The following CENPA variants were observed in gnomAD, a reference collection of about 807,000 sequenced individuals.
The protein encoded by CENPA is centromere protein A, also known as histone H3-like centromeric protein A.
A neutral mutation model predicts 17.2 loss-of-function variants in CENPA; 7 were observed. The observed-to-expected ratio is 0.41, with a 90% confidence interval of 0.23 to 0.76. CENPA has a LOEUF of 0.76. Ranked by LOEUF, CENPA falls within the 30% of genes least tolerant of loss-of-function variation. The pLI, the probability that CENPA is intolerant of heterozygous loss-of-function variation, is 0.34. For synonymous variants in CENPA, 82 were observed against 77.4 expected (o/e 1.06, Z -0.31); for missense variants, 149 against 193.1 (o/e 0.77, Z 1.35).
intron 1 of CENPA, among the ~76,000 whole-genome samples, chr2:26,787,524 G>T (rs1364552037): frequency 6.7e-6 from 1 of 150,116 alleles, no homozygotes; most frequent in Non-Finnish European, 1.5e-5. Flanking sequence ...CGGCTTTTTG[G>T]TTTTTTGTTG....
rs1050649683 is a variant in CENPA at position 26,793,096 on chromosome 2, A to G, written c.289-49A>G. On this transcript the variant is annotated intron_variant, in intron 3 of 4. Coordinates refer to ENST00000335756, the MANE Select transcript of CENPA (RefSeq NM_001809.4). ...GTTTAGCAGGTTTCCAAAAAAAAGC[A>G]GCCCGTGGCCCTTCATCTGTGTCCG... 6 of 1,602,486 alleles carry G rather than the reference A, an allele frequency of 3.7e-6. No individual in the cohort carries two copies. In the East Asian group the frequency reaches 8.9e-5, roughly 24 times the overall value.
intron 1 of CENPA, among the ~76,000 whole-genome samples, chr2:26,790,745 A>T (rs1664600241): frequency 6.6e-6 from 1 of 152,224 alleles, no homozygotes; most frequent in Admixed American, 6.5e-5. Context: ...AAATGTTATC[A>T]GTCTTCTGGA....
chr2:26,786,306 C>A lies in CENPA; in HGVS notation c.100+10C>A. 1 of 1,316,040 alleles carries A rather than the reference C, an allele frequency of 7.6e-7. No homozygotes were observed. Among genetic ancestry groups the A allele is most frequent in the South Asian group, 2.0e-5 (1 of 49,958 alleles). The allele number at this position is 1,316,040 out of a possible 1,614,324, so 81.5% of individuals were successfully genotyped here. The stretch of plus-strand genomic sequence containing the variant: ...CGGGGCCCCTCCTTAGGTAACCGGC[C>A]GCGGCCCCATCTCGAAGAGGAGAAA... On this transcript the variant is annotated intron_variant, in intron 1 of 4. Transcript: ENST00000335756.
rs766046974 is a variant in CENPA, at chr2:26,792,271, A to G, written c.210+31A>G. 24 of 1,544,212 alleles carry G rather than the reference A, an allele frequency of 1.6e-5. No homozygotes were observed. In the East Asian group the frequency reaches 5.0e-4, roughly 32 times the overall value. ...CTCCGGGAGCTTCCCACCAACCCCT[A>G]TGCCACCCTCCTTTTTTTAAATTTT... On this transcript the variant is annotated intron_variant, in intron 2 of 4. Transcript: ENST00000335756.
intron 1 of CENPA, among the ~76,000 whole-genome samples, chr2:26,790,227 TA>T (rs1337414261): frequency 1.3e-5 from 2 of 152,160 alleles, no homozygotes; most frequent in Non-Finnish European, 2.9e-5. Flanking sequence ...TCTTTCATGG[TA>T]TTGGCCTTCT....
At position 26,786,151 on chromosome 2, in the gene CENPA, G is replaced by C. The variant is rs1323419500; in HGVS notation, c.-46G>C. 3.6e-6 allele frequency: 5 copies of C among 1,390,582 alleles called. No individual in the cohort carries two copies. Among genetic ancestry groups the C allele is most frequent in the Non-Finnish European group, 4.6e-6 (5 of 1,079,246 alleles). 86.1% of individuals were successfully genotyped at this position (1,390,582 alleles called of 1,614,324 possible). A position where few individuals can be genotyped will look rare whatever the true frequency, so the allele number is the denominator to read the frequency against. The stretch of plus-strand genomic sequence containing the variant: ...CTTTCGCTCCCGGACCCGGCAGCCC[G>C]AGCAGGAGCCGTGGGACCGGGCGCC... On this transcript the variant is annotated 5_prime_UTR_variant, in exon 1 of 5. Coordinates refer to ENST00000335756, the MANE Select transcript of CENPA (RefSeq NM_001809.4).
chr2:26,792,393 C>A, intron 2 of CENPA, 153 bp downstream of exon 2: 1 of 694,676 alleles, frequency 1.4e-6, no homozygotes, highest in South Asian at 1.7e-5. Context: ...ATGAGCCCTC[C>A]AAGAGCACCT....
chr2:26,786,549 GCGCCCAC>G lies in CENPA; in HGVS notation c.100+265_100+271del, dbSNP rs571457821. Among the ~76,000 whole-genome samples the G allele has an allele frequency of 2.8e-4, 43 of 152,318 alleles. 1 individual carries two copies. The highest frequency in any genetic ancestry group is 7.7e-4 in the East Asian group (4 of 5,174). On this transcript the variant is annotated intron_variant, in intron 1 of 4. Transcript: ENST00000335756. ...TCTTGTTAGGACTAGTGGTTACCCA[GCGCCCAC>G]CGCCCACCGCCAACCAGGCATTGCC...
chr2:26,791,169 A>C (rs1664608270), intron 1 of CENPA, among the ~76,000 whole-genome samples: 1 of 152,166 alleles, frequency 6.6e-6, no homozygotes, highest in African/African-American at 2.4e-5. Context: ...TGTAATACTT[A>C]ATTTGACTGC....
chr2:26,792,622 G>A, intron 2 of CENPA, 134 bp from the exon 3 acceptor site: 1 of 810,542 alleles, frequency 1.2e-6, no homozygotes, highest in Non-Finnish European at 2.1e-6. Flanking sequence ...TCCTAATTGG[G>A]TCCTAAGATT....
chr2:26,787,473 C>G (rs1037041434), intron 1 of CENPA, among the ~76,000 whole-genome samples: 5 of 152,120 alleles, frequency 3.3e-5, no homozygotes, highest in Admixed American at 2.6e-4. Context: ...CCTCGGTCTC[C>G]CAAAGTGCTG....
intron 1 of CENPA, among the ~76,000 whole-genome samples, chr2:26,791,127 T>C (rs189107615): frequency 2.0e-4 from 30 of 152,372 alleles, no homozygotes; most frequent in Non-Finnish European, 3.5e-4. Context: ...ATTTCTTTTG[T>C]TCTATCTTGT....
chr2:26,786,681 A>C (rs1242391006), intron 1 of CENPA, among the ~76,000 whole-genome samples: 1 of 152,224 alleles, frequency 6.6e-6, no homozygotes, highest in Admixed American at 6.5e-5. Flanking sequence ...GAGTCACACA[A>C]CTTGGTGTTC....
In CENPA at chr2:26,794,091, T is replaced by A. The variant is rs2148069051; in HGVS notation, c.*327T>A. On this transcript the variant is annotated 3_prime_UTR_variant, in exon 5 of 5. Transcript: ENST00000335756. ...TGACTATTTGAGGATTTTGAAAACA[T>A]CAGATTTGCTGTGGTATGGGAGAAA... is the stretch of plus-strand genomic sequence containing the variant. The A allele has an allele frequency of 6.6e-6, 1 of 152,358 alleles. No homozygotes were observed. The highest frequency in any genetic ancestry group is 2.4e-5 in the African/African-American group (1 of 41,588). 9.4% of individuals were successfully genotyped at this position (152,358 alleles called of 1,614,324 possible). A position where few individuals can be genotyped will look rare whatever the true frequency, so the allele number is the denominator to read the frequency against.
In CENPA at chr2:26,793,209, G is replaced by A. The variant is rs1194974108; in HGVS notation, c.353G>A (p.Arg118Gln). The part of the protein sequence containing the change: ...DAYLLTLHAG[R>Q]VTLFPKDVQL... Reference sequence around the variant, plus strand: ...TATCTCCTCACCTTACATGCAGGCCGAGTTACTCTCTTCCCAAAGGATGTG... The same window carrying A: ...TATCTCCTCACCTTACATGCAGGCCAAGTTACTCTCTTCCCAAAGGATGTG... The change falls in exon 4 of 5, where the codon CGA becomes CAA. Residue 118 changes from arginine to glutamine, a missense_variant. Coordinates refer to ENST00000335756, the MANE Select transcript of CENPA (RefSeq NM_001809.4). The A allele has an allele frequency of 1.2e-6, 2 of 1,613,992 alleles. No homozygotes were observed. The highest frequency in any genetic ancestry group is 2.2e-5 in the East Asian group (1 of 44,898).
intron 2 of CENPA, chr2:26,792,476 G>T (rs1228857692): frequency 2.8e-6 from 2 of 712,436 alleles, no homozygotes; most frequent in Admixed American, 4.0e-5. Flanking sequence ...TGTATAAATA[G>T]GAACTCTCTC....
chr2:26,790,469 G>C (rs1664594841), intron 1 of CENPA, among the ~76,000 whole-genome samples: 1 of 152,144 alleles, frequency 6.6e-6, no homozygotes, highest in Non-Finnish European at 1.5e-5. Context: ...TGGGATTACA[G>C]GTGCCTGCCA....
At chr2:26,791,980 CTT>C (rs901645370) in intron 1 of CENPA, 149 bp from the exon 2 acceptor site, 2 of 693,682 alleles carry the variant, frequency 2.9e-6, no homozygotes, top group African/African-American at 3.6e-5. Flanking sequence ...ACTGCAATGA[CTT>C]TTGCAGCAAC....
At chr2:26,786,543 T>A (rs1664511334) in intron 1 of CENPA, among the ~76,000 whole-genome samples, 1 of 152,134 alleles carries the variant, frequency 6.6e-6, no homozygotes, top group African/African-American at 2.4e-5. Flanking sequence ...GACTAGTGGT[T>A]ACCCAGCGCC....
Sources: gnomAD v4.1 joint callset for allele counts (sites outside exome capture counted in the v4.1 genomes callset) on GRCh38, gnomAD v4.1.1 for gene constraint, MANE v1.5 for transcripts, NCBI Gene and HGNC (gene_info 2026-07-23, HGNC 2026-07-21) for gene names.